PTPN1: variants seen among roughly 807,000 people sequenced by gnomAD.
PTPN1 encodes tyrosine-protein phosphatase non-receptor type 1.
Under a neutral mutation model 59.9 loss-of-function variants are expected in PTPN1, and 12 were observed. The ratio of observed to expected loss-of-function variants is 0.20; its 90% CI spans 0.13 to 0.32. PTPN1 has a LOEUF of 0.32. Ranked by LOEUF, PTPN1 falls within the 10% of genes least tolerant of loss-of-function variation. The pLI is 1.00. For missense variants in PTPN1, 356 were observed against 549.2 expected (o/e 0.65, Z 3.52); for synonymous variants, 178 against 203.6 (o/e 0.87, Z 1.07).
intron 3 of PTPN1, among the ~76,000 whole-genome samples, chr20:50,566,701 T>C (rs2082780715): frequency 6.6e-6 from 1 of 152,120 alleles, no homozygotes; most frequent in African/African-American, 2.4e-5. Context: ...GAGAATAATG[T>C]CCAAGGGGCC....
At chr20:50,545,638 A>G (rs1391323954) in intron 1 of PTPN1, among the ~76,000 whole-genome samples, 1 of 152,022 alleles carries the variant, frequency 6.6e-6, no homozygotes, top group African/African-American at 2.4e-5. Context: ...CAGTGCCAGA[A>G]CTCTTAATAC....
intron 1 of PTPN1, among the ~76,000 whole-genome samples, chr20:50,529,056 A>T (rs922128065): frequency 2.0e-5 from 3 of 152,186 alleles, no homozygotes; most frequent in African/African-American, 7.2e-5. Flanking sequence ...ACTTCGTTTC[A>T]GTGGATCTGA....
intron 1 of PTPN1, among the ~76,000 whole-genome samples, chr20:50,545,753 C>T (rs776187229): frequency 6.6e-6 from 1 of 152,086 alleles, no homozygotes; most frequent in Non-Finnish European, 1.5e-5. Flanking sequence ...CGGTGGCTCA[C>T]ACCTGTAATC....
At chr20:50,540,345 G>C (rs1040626439) in intron 1 of PTPN1, among the ~76,000 whole-genome samples, 9 of 152,208 alleles carry the variant, frequency 5.9e-5, no homozygotes, top group Admixed American at 2.0e-4. Flanking sequence ...GTGAGCCACT[G>C]TGCCCAGCCT....
chr20:50,573,461 A>G (rs1382751450), intron 4 of PTPN1: 1 of 151,782 alleles, frequency 6.6e-6, no homozygotes, highest in Non-Finnish European at 1.5e-5. Flanking sequence ...CCCATAGTCC[A>G]CCTTGTCACT....
In PTPN1 at chr20:50,552,337, C is replaced by T. The variant is rs139422950; in HGVS notation, c.64-9026C>T. ...CTAAAGTAGAGAAAGATGAGGGATTCGCCAGAAACTGATTTCTAATAAATT... is the reference window on the plus strand; with the variant it reads ...CTAAAGTAGAGAAAGATGAGGGATTTGCCAGAAACTGATTTCTAATAAATT... On this transcript the variant is annotated intron_variant, in intron 1 of 9. Coordinates refer to ENST00000371621, the MANE Select transcript of PTPN1 (RefSeq NM_002827.4). Among the ~76,000 whole-genome samples the T allele has an allele frequency of 5.4e-3, 817 of 152,290 alleles. 6 individuals are homozygous for T. Among genetic ancestry groups the T allele is most frequent in the African/African-American group, 0.019 (778 of 41,554 alleles).
At chr20:50,513,394 G>C (rs1371828814) in intron 1 of PTPN1, among the ~76,000 whole-genome samples, 3 of 152,216 alleles carry the variant, frequency 2.0e-5, no homozygotes, top group Admixed American at 6.5e-5. Context: ...GAGCTAGAAT[G>C]AGAGGAGAGA....
intron 4 of PTPN1, 99 bp from the exon 5 acceptor site, chr20:50,574,418 T>C: frequency 1.6e-6 from 2 of 1,261,666 alleles, no homozygotes; most frequent in Middle Eastern, 5.5e-4. Flanking sequence ...CCCCCAGGCC[T>C]TTGAGTTATC....
At chr20:50,548,739 G>A (rs936823907) in intron 1 of PTPN1, among the ~76,000 whole-genome samples, 1 of 151,982 alleles carries the variant, frequency 6.6e-6, no homozygotes, top group Non-Finnish European at 1.5e-5. Context: ...AATTTGAGAG[G>A]GAGTCTCGCT....
chr20:50,538,272 T>G (rs2082632932), intron 1 of PTPN1, among the ~76,000 whole-genome samples: 2 of 150,636 alleles, frequency 1.3e-5, no homozygotes, highest in Non-Finnish European at 1.5e-5. Flanking sequence ...TTAGAGTATT[T>G]GGAGTTGAGA....
chr20:50,546,424 C>T (rs747576513), intron 1 of PTPN1, among the ~76,000 whole-genome samples: 13 of 152,164 alleles, frequency 8.5e-5, no homozygotes, highest in Non-Finnish European at 1.8e-4. Flanking sequence ...TTCACTGAAG[C>T]ACTCTCACTT....
intron 4 of PTPN1, chr20:50,573,965 C>G (rs2082823419): frequency 6.6e-6 from 1 of 152,318 alleles, no homozygotes; most frequent in Non-Finnish European, 1.5e-5. Flanking sequence ...CTGAACCAAA[C>G]CAGAATGAAA....
chr20:50,574,104 G>A (rs999034133), intron 4 of PTPN1: 1 of 156,086 alleles, frequency 6.4e-6, no homozygotes, highest in Non-Finnish European at 1.4e-5. Flanking sequence ...TTGCCTGTGA[G>A]TTTTCTGTGC....
At chr20:50,526,698 T>A (rs2082576990) in intron 1 of PTPN1, among the ~76,000 whole-genome samples, 1 of 152,152 alleles carries the variant, frequency 6.6e-6, no homozygotes, top group Non-Finnish European at 1.5e-5. Flanking sequence ...TTTTCTCCTT[T>A]ATTCAGATTT....
In PTPN1 at chr20:50,511,795, TAGAG is replaced by T. The variant is rs1429964301; in HGVS notation, c.63+1209_63+1212del. On this transcript the variant is annotated intron_variant, in intron 1 of 9. Transcript: ENST00000371621. ...TATCTTAAATAAGCGATATACAGAA[TAGAG>T]AGATTTTGTTACTTGTGTAAAGGGA... 5.9e-5 allele frequency among the ~76,000 whole-genome samples: 9 copies of T among 152,284 alleles called. No homozygotes were observed. In the South Asian group the frequency reaches 1.0e-3, roughly 18 times the overall value.
At chr20:50,513,680 A>G (rs1382738182) in intron 1 of PTPN1, among the ~76,000 whole-genome samples, 1 of 152,248 alleles carries the variant, frequency 6.6e-6, no homozygotes, top group Admixed American at 6.5e-5. Flanking sequence ...TGTTTTCATT[A>G]TGAAATACAA....
In PTPN1 at chr20:50,579,921, C is replaced by A. The variant is rs370509709; in HGVS notation, c.1083C>A (p.Ile361=). The A allele has an allele frequency of 6.2e-7, 1 of 1,612,382 alleles. No homozygotes were observed. Among genetic ancestry groups the A allele is most frequent in the African/African-American group, 1.3e-5 (1 of 74,860 alleles). ...GSPLNAAPYG[I]ESMSQDTEVR... ...CCTTAAATGCCGCACCCTACGGCAT[C>A]GAAAGGTAATATGATTGGGTCCCAG... The change falls in exon 8 of 10, where the codon ATC becomes ATA. Residue 361 remains isoleucine, a synonymous_variant. Transcript: ENST00000371621.
In PTPN1 at chr20:50,578,454, A is replaced by G; in HGVS notation, c.527A>G (p.Tyr176Cys). Reference sequence around the variant, plus strand: ...ACTCGAGAGATCTTACATTTCCACTATACCACATGGCCTGACTTTGGAGTC... The same window carrying G: ...ACTCGAGAGATCTTACATTTCCACTGTACCACATGGCCTGACTTTGGAGTC... Reference protein sequence around the residue: ...QETREILHFHYTTWPDFGVPE... With the variant: ...QETREILHFHCTTWPDFGVPE... The change falls in exon 6 of 10, where the codon TAT becomes TGT. Residue 176 changes from tyrosine (Y) to cysteine (C), a missense_variant. By Grantham distance (194) the Tyr-to-Cys change is radical. This residue lies in a region of PTPN1 where 194 missense variants were observed against 344.2 expected (regional missense o/e 0.56). Transcript: ENST00000371621. 1 of 1,614,202 alleles carries G rather than the reference A, an allele frequency of 6.2e-7. No homozygotes were observed. The highest frequency in any genetic ancestry group is 8.5e-7 in the Non-Finnish European group (1 of 1,179,992).
At chr20:50,556,443 G>A (rs2082726316) in intron 1 of PTPN1, among the ~76,000 whole-genome samples, 2 of 151,844 alleles carry the variant, frequency 1.3e-5, no homozygotes, top group Non-Finnish European at 2.9e-5. Flanking sequence ...CTCCCACCTC[G>A]GCTCCCAAAG....
Sources: allele counts gnomAD v4.1 joint callset (sites outside exome capture counted in the v4.1 genomes callset), GRCh38; gene constraint gnomAD v4.1.1; regional missense constraint gnomAD v4.1.1; transcripts MANE v1.5; gene names NCBI Gene and HGNC (gene_info 2026-07-23, HGNC 2026-07-21).